CISD2: variants seen among roughly 807,000 people sequenced by gnomAD.
CISD2 encodes the protein CDGSH iron-sulfur domain-containing protein 2.
In CISD2, 1 loss-of-function variant was observed where a neutral mutation model predicts 12.9. The ratio of observed to expected loss-of-function variants is 0.08; its 90% CI spans 0.03 to 0.37. The LOEUF (loss-of-function observed/expected upper bound fraction) is 0.37, where lower values mean the gene tolerates loss of function less well. Among genes scored for constraint, CISD2 ranks in the 10% least tolerant of loss-of-function variants. CISD2 has a pLI of 0.99. For missense variants in CISD2, 97 were observed against 163.1 expected, an observed-to-expected ratio of 0.59 and a Z score of 2.21; for synonymous variants, 50 against 60.6, an observed-to-expected ratio of 0.83 and a Z score of 0.81.
intron 1 of CISD2, among the ~76,000 whole-genome samples, chr4:102,873,075 TATC>T (rs1291110698): frequency 6.6e-6 from 1 of 152,066 alleles, no homozygotes; most frequent in Non-Finnish European, 1.5e-5. Flanking sequence ...AACCATCAGA[TATC>T]ATGAGAACTC....
intron 1 of CISD2, among the ~76,000 whole-genome samples, chr4:102,871,991 T>C (rs1733464296): frequency 6.6e-6 from 1 of 152,182 alleles, no homozygotes; most frequent in South Asian, 2.1e-4. Context: ...CAGAAACAAC[T>C]TAACTATCTT....
intron 1 of CISD2, among the ~76,000 whole-genome samples, chr4:102,873,751 G>T (rs1578309818): frequency 6.7e-6 from 1 of 148,230 alleles, no homozygotes; most frequent in African/African-American, 2.5e-5. Flanking sequence ...AAAAAAAAAG[G>T]GATGTAAAAG....
Position 102,869,471 on chromosome 4 carries a change from C to A in CISD2, c.103+284C>A, listed in dbSNP as rs1371859425. The A allele has an allele frequency of 4.3e-6, 3 of 702,728 alleles. No individual in the cohort carries two copies. In the Admixed American group the frequency reaches 6.0e-5, roughly 14 times the overall value. The allele number at this position is 702,728 out of a possible 1,614,324, so 43.5% of individuals were successfully genotyped here. On this transcript the variant is annotated intron_variant, in intron 1 of 2. Transcript: ENST00000273986. ...TGCAGAGAAGGTGCTGAGTTGGGAA[C>A]AGGCCAGTCTCTTTCATCTCCTGTC... is the stretch of plus-strand genomic sequence containing the variant.
intron 1 of CISD2, among the ~76,000 whole-genome samples, chr4:102,882,293 ATACT>A (rs1294102271): frequency 3.3e-5 from 5 of 152,364 alleles, no homozygotes; most frequent in African/African-American, 9.6e-5. Flanking sequence ...ATGTACAATA[ATACT>A]TAATGTTATT....
chr4:102,869,267 A>G, intron 1 of CISD2, 80 bp downstream of exon 1: 2 of 1,529,128 alleles, frequency 1.3e-6, no homozygotes, highest in Middle Eastern at 1.7e-4. Flanking sequence ...CCTAGGGCCA[A>G]GGGGCGGGAC....
rs1733625353 is a variant in CISD2 at position 102,877,801 on chromosome 4, A to G, written c.104-7415A>G. ...AGACTTCTATGCACCCACAGGCCCAACACCACATGGAAGCCACCAAGGCTT... is the reference window on the plus strand; with the variant it reads ...AGACTTCTATGCACCCACAGGCCCAGCACCACATGGAAGCCACCAAGGCTT... On this transcript the variant is annotated intron_variant, in intron 1 of 2. Transcript: ENST00000273986. Among the ~76,000 whole-genome samples, 2 of 152,224 alleles carry G rather than the reference A, an allele frequency of 1.3e-5. 1 individual carries two copies. The highest frequency in any genetic ancestry group is 4.1e-4 in the South Asian group (2 of 4,832).
At chr4:102,880,675 C>A (rs1733694216) in intron 1 of CISD2, among the ~76,000 whole-genome samples, 1 of 150,066 alleles carries the variant, frequency 6.7e-6, no homozygotes, top group Non-Finnish European at 1.5e-5. Flanking sequence ...GAGACTATCT[C>A]ATTAAAAAAA....
chr4:102,878,702 T>G (rs1366917743), intron 1 of CISD2, among the ~76,000 whole-genome samples: 3 of 152,190 alleles, frequency 2.0e-5, no homozygotes, highest in Non-Finnish European at 2.9e-5. Flanking sequence ...TCAAAACCAT[T>G]CAATAAGTCT....
At position 102,869,067 on chromosome 4, in the gene CISD2, T is replaced by C. The variant is rs571899037; in HGVS notation, c.-18T>C. The stretch of plus-strand genomic sequence containing the variant: ...GAGCGGAGGGGGCTCGGGAGAGGAG[T>C]GGACGCCGCTGGCCAGGATGGTGCT... On this transcript the variant is annotated 5_prime_UTR_variant, in exon 1 of 3. Coordinates refer to ENST00000273986, the MANE Select transcript of CISD2 (RefSeq NM_001008388.5). 1.3e-6 allele frequency: 2 copies of C among 1,599,210 alleles called. No individual in the cohort carries two copies. The highest frequency in any genetic ancestry group is 4.5e-5 in the East Asian group (2 of 44,072).
chr4:102,872,951 T>G (rs1424323365), intron 1 of CISD2, among the ~76,000 whole-genome samples: 1 of 152,186 alleles, frequency 6.6e-6, no homozygotes, highest in Non-Finnish European at 1.5e-5. Flanking sequence ...TCAGCATGGC[T>G]GGGGAGGCCT....
At chr4:102,875,040 C>A (rs959954292) in intron 1 of CISD2, among the ~76,000 whole-genome samples, 2 of 152,228 alleles carry the variant, frequency 1.3e-5, no homozygotes, top group Non-Finnish European at 2.9e-5. Context: ...TTCTTACTTA[C>A]CTGTTGAATA....
intron 2 of CISD2, among the ~76,000 whole-genome samples, chr4:102,886,906 C>T (rs1412970293): frequency 1.3e-5 from 2 of 152,172 alleles, no homozygotes; most frequent in African/African-American, 2.4e-5. Context: ...TAAACTACCG[C>T]ACCAGCCTAA....
At chr4:102,882,328 A>G (rs765565279) in intron 1 of CISD2, among the ~76,000 whole-genome samples, 2 of 152,238 alleles carry the variant, frequency 1.3e-5, no homozygotes, top group Non-Finnish European at 1.5e-5. Context: ...CAAACATTTA[A>G]TGACTGCTAT....
chr4:102,878,412 G>A (rs223323), intron 1 of CISD2, among the ~76,000 whole-genome samples: 88,923 of 152,056 alleles, frequency 0.58, 27,602 homozygotes, highest in African/African-American at 0.81. Flanking sequence ...TACAGGCATG[G>A]GCCACCAGCA....
chr4:102,885,483 C>A (rs750145201), intron 2 of CISD2, 53 bp downstream of exon 2: 1 of 1,388,654 alleles, frequency 7.2e-7, no homozygotes, highest in Non-Finnish European at 1.0e-6. Flanking sequence ...AGGATTGTTT[C>A]GCCTCTTAAA....
At chr4:102,881,294 A>G (rs1733714677) in intron 1 of CISD2, among the ~76,000 whole-genome samples, 2 of 152,170 alleles carry the variant, frequency 1.3e-5, no homozygotes, top group African/African-American at 4.8e-5. Flanking sequence ...GTAGGGAGGG[A>G]GAGAATGAAG....
chr4:102,870,089 T>G (rs1733392020), intron 1 of CISD2, among the ~76,000 whole-genome samples: 1 of 152,218 alleles, frequency 6.6e-6, no homozygotes. Flanking sequence ...TGTCCTAGGT[T>G]ATCAGGGAGT....
At chr4:102,878,207 C>T (rs1454900477) in intron 1 of CISD2, among the ~76,000 whole-genome samples, 1 of 152,180 alleles carries the variant, frequency 6.6e-6, no homozygotes, top group Admixed American at 6.5e-5. Flanking sequence ...ACAATCTCAG[C>T]TTGCTGCAAC....
chr4:102,877,656 C>T (rs1287991706), intron 1 of CISD2, among the ~76,000 whole-genome samples: 9 of 152,256 alleles, frequency 5.9e-5, no homozygotes, highest in Admixed American at 5.2e-4. Context: ...TTCCCCTTTG[C>T]ACTGCCCTAG....
Sources: gnomAD v4.1 joint callset for allele counts (sites outside exome capture counted in the v4.1 genomes callset) on GRCh38, gnomAD v4.1.1 for gene constraint, MANE v1.5 for transcripts, NCBI Gene and HGNC (gene_info 2026-07-23, HGNC 2026-07-21) for gene names.